The following YTHDF1 variants were observed in gnomAD, a reference collection of about 807,000 sequenced individuals.
The protein encoded by YTHDF1 is YTH domain-containing family protein 1.
Under a neutral mutation model 49.1 loss-of-function variants are expected in YTHDF1, and 16 were observed. The ratio of observed to expected loss-of-function variants is 0.33; its 90% CI spans 0.22 to 0.49. YTHDF1 has a LOEUF of 0.49. Ranked by LOEUF, YTHDF1 falls within the 20% of genes least tolerant of loss-of-function variation. YTHDF1 has a pLI of 0.99. For synonymous variants in YTHDF1, 313 were observed against 290.1 expected (o/e 1.08, Z -0.80); for missense variants, 621 against 744.3 (o/e 0.83, Z 1.93).
intron 3 of YTHDF1, among the ~76,000 whole-genome samples, chr20:63,206,649 G>A (rs886280040): frequency 7.9e-5 from 12 of 152,318 alleles, no homozygotes; most frequent in African/African-American, 2.9e-4. Context: ...TGTGCTCACC[G>A]GGTTCCACGG....
rs1241071363 is a variant in YTHDF1 at position 63,203,799 on chromosome 20, A to C, written c.141T>G (p.Ser47Arg). The stretch of plus-strand genomic sequence containing the variant: ...GGTAGGGGTCGCTCATTGAGGGGTA[A>C]CTGTTACTCTGCAAAAGCAAACGTG... ...YLTGQSNQSN[S>R]YPSMSDPYLS... The change falls in exon 4 of 5, where the codon AGT (serine) becomes AGG (arginine). Residue 47 changes from serine (S) to arginine (R), a missense_variant. Ser to Arg is a moderately radical substitution (Grantham distance 110). Transcript: ENST00000370339. The surrounding 1 kb of genome is among the most constrained non-coding windows in gnomAD (Gnocchi z 4.4). The C allele has an allele frequency of 3.8e-6, 6 of 1,595,246 alleles. No homozygotes were observed. The highest frequency in any genetic ancestry group is 3.3e-4 in the Middle Eastern group (2 of 5,998).
At chr20:63,210,196 C>T (rs929242763) in intron 3 of YTHDF1, among the ~76,000 whole-genome samples, 1 of 152,138 alleles carries the variant, frequency 6.6e-6, no homozygotes, top group Non-Finnish European at 1.5e-5. Flanking sequence ...GGACCACTAT[C>T]ATATTGTGGT....
chr20:63,206,282 C>T (rs1014019634), intron 3 of YTHDF1, among the ~76,000 whole-genome samples: 1 of 152,228 alleles, frequency 6.6e-6, no homozygotes, highest in South Asian at 2.1e-4. Flanking sequence ...CAACACCAAC[C>T]AGAGGAGTCA....
intron 3 of YTHDF1, among the ~76,000 whole-genome samples, chr20:63,205,017 A>G (rs1307810332): frequency 6.6e-6 from 1 of 152,084 alleles, no homozygotes; most frequent in East Asian, 1.9e-4. Context: ...TACAGAAAAC[A>G]GAGCCGGAAG....
At chr20:63,213,019 A>C (rs568340774) in intron 3 of YTHDF1, among the ~76,000 whole-genome samples, 1 of 152,360 alleles carries the variant, frequency 6.6e-6, no homozygotes, top group East Asian at 1.9e-4. Flanking sequence ...TATGTGCACC[A>C]TCTGATGTCA....
intron 3 of YTHDF1, among the ~76,000 whole-genome samples, chr20:63,210,404 A>C (rs2066568534): frequency 6.6e-6 from 1 of 152,182 alleles, no homozygotes; most frequent in African/African-American, 2.4e-5. Context: ...CTGAGTAGGA[A>C]CTGTTCTGGG....
At position 63,203,677 on chromosome 20, in the gene YTHDF1, G is replaced by C. The variant is rs755751080; in HGVS notation, c.263C>G (p.Thr88Ser). 3 of 1,614,080 alleles carry C rather than the reference G, an allele frequency of 1.9e-6. No homozygotes were observed. The highest frequency in any genetic ancestry group is 1.7e-5 in the Admixed American group (1 of 60,000). ...AGDPPIPYLT[T>S]YGQLSNGDHH... is the part of the protein sequence containing the mutation. ...GTCTCCGTTACTGAGCTGTCCGTAG[G>C]TGGTGAGGTATGGAATCGGAGGGTC... is the stretch of plus-strand genomic sequence containing the variant. The change falls in exon 4 of 5, where the codon ACC (threonine) becomes AGC (serine). Residue 88 changes from threonine to serine, a missense_variant. Thr to Ser is a moderately conservative substitution (Grantham distance 58). Coordinates refer to ENST00000370339, the MANE Select transcript of YTHDF1 (RefSeq NM_017798.4). The surrounding 1 kb of genome is among the most constrained non-coding windows in gnomAD (Gnocchi z 4.4).
chr20:63,195,546 G>C lies in YTHDF1; in HGVS notation c.*1162C>G, dbSNP rs2066488809. The C allele has an allele frequency of 6.5e-6, 1 of 152,742 alleles. No individual in the cohort carries two copies. Among genetic ancestry groups the C allele is most frequent in the Non-Finnish European group, 1.5e-5 (1 of 68,036 alleles). The allele number at this position is 152,742 out of a possible 1,614,324, so 9.5% of individuals were successfully genotyped here. ...AGGAAGTGACACGCTCTAAATACAA[G>C]TCTAATGATACAGCTGAAACGTTAA... On this transcript the variant is annotated 3_prime_UTR_variant, in exon 5 of 5. Transcript: ENST00000370339.
At position 63,203,909 on chromosome 20, in the gene YTHDF1, T is replaced by A. The variant is rs769811087; in HGVS notation, c.133-102A>T. ...GCACAGGTGGAGCAAAAACAAAACC[T>A]GCACAGCATGGGGCTACTCCTTCCA... On this transcript the variant is annotated intron_variant, in intron 3 of 4. Transcript: ENST00000370339. This position sits in a 1 kb window ranked among gnomAD's most constrained non-coding sequence, Gnocchi z 4.4. The A allele has an allele frequency of 9.2e-7, 1 of 1,090,022 alleles. No individual in the cohort carries two copies. The highest frequency in any genetic ancestry group is 1.3e-6 in the Non-Finnish European group (1 of 772,156). 67.5% of individuals were successfully genotyped at this position (1,090,022 alleles called of 1,614,324 possible).
At chr20:63,200,896 A>G (rs970373739) in intron 4 of YTHDF1, among the ~76,000 whole-genome samples, 5 of 151,568 alleles carry the variant, frequency 3.3e-5, no homozygotes, top group Non-Finnish European at 7.3e-5. Context: ...TTTATACCTA[A>G]AAGTCTGTAA....
chr20:63,198,097 A>T (rs56655161), intron 4 of YTHDF1, among the ~76,000 whole-genome samples: 3,698 of 151,950 alleles, frequency 0.024, 118 homozygotes, highest in African/African-American at 0.07. Context: ...AAAATTAAGA[A>T]CTCTGTATTT....
At position 63,196,683 on chromosome 20, in the gene YTHDF1, G is replaced by C; in HGVS notation, c.*25C>G. 3 of 1,613,766 alleles carry C rather than the reference G, an allele frequency of 1.9e-6. No individual in the cohort carries two copies. In the African/African-American group the frequency reaches 4.0e-5, roughly 22 times the overall value. On this transcript the variant is annotated 3_prime_UTR_variant, in exon 5 of 5. Transcript: ENST00000370339. ...AAACTGTTTTCAAAGTCAAACGTTA[G>C]AACATGTAAGAAACTGGTTCGCCCT... is the stretch of plus-strand genomic sequence containing the variant.
In YTHDF1 at chr20:63,196,687, A is replaced by C; in HGVS notation, c.*21T>G. ...TGTTTTCAAAGTCAAACGTTAGAACATGTAAGAAACTGGTTCGCCCTCATT... is the reference window on the plus strand; with the variant it reads ...TGTTTTCAAAGTCAAACGTTAGAACCTGTAAGAAACTGGTTCGCCCTCATT... On this transcript the variant is annotated 3_prime_UTR_variant, in exon 5 of 5. Coordinates refer to ENST00000370339, the MANE Select transcript of YTHDF1 (RefSeq NM_017798.4). The C allele has an allele frequency of 6.2e-7, 1 of 1,613,882 alleles. No homozygotes were observed. Among genetic ancestry groups the C allele is most frequent in the Non-Finnish European group, 8.5e-7 (1 of 1,179,872 alleles).
intron 1 of YTHDF1, 68 bp from the exon 2 acceptor site, chr20:63,215,669 C>CA (rs2066598504): frequency 3.9e-6 from 6 of 1,536,096 alleles, no homozygotes; most frequent in Admixed American, 2.0e-5. Flanking sequence ...CAAAGTTATT[C>CA]ACCAGAGAAC....
intron 2 of YTHDF1, among the ~76,000 whole-genome samples, chr20:63,214,407 C>G (rs556296310): frequency 6.6e-6 from 1 of 152,286 alleles, no homozygotes; most frequent in East Asian, 1.9e-4. Flanking sequence ...CACAGTGAAC[C>G]CCAAATATCT....
chr20:63,214,920 G>C (rs1194257562), intron 2 of YTHDF1, among the ~76,000 whole-genome samples: 2 of 152,148 alleles, frequency 1.3e-5, no homozygotes, highest in Non-Finnish European at 2.9e-5. Context: ...CCCAAGACTG[G>C]TTTTCCTTTT....
chr20:63,200,051 T>TCAAAAA (rs781113091), intron 4 of YTHDF1, among the ~76,000 whole-genome samples: 11 of 150,216 alleles, frequency 7.3e-5, no homozygotes, highest in African/African-American at 2.7e-4. Flanking sequence ...AAGACCTGTC[T>TCAAAAA]CAAAAACAAA....
intron 4 of YTHDF1, among the ~76,000 whole-genome samples, chr20:63,201,647 T>C (rs534804758): frequency 1.3e-5 from 2 of 152,212 alleles, no homozygotes; most frequent in Non-Finnish European, 2.9e-5. Context: ...ATATTTGTCA[T>C]TATAAAATGT....
intron 3 of YTHDF1, among the ~76,000 whole-genome samples, chr20:63,208,743 C>T (rs2066559850): frequency 6.6e-6 from 1 of 152,232 alleles, no homozygotes; most frequent in Non-Finnish European, 1.5e-5. Flanking sequence ...AAGAAACTGA[C>T]ACTCCCCTGC....
Sources: allele counts gnomAD v4.1 joint callset (sites outside exome capture counted in the v4.1 genomes callset), GRCh38; gene constraint gnomAD v4.1.1; non-coding constraint Gnocchi (gnomAD v3.1); transcripts MANE v1.5; gene names NCBI Gene and HGNC (gene_info 2026-07-23, HGNC 2026-07-21).